Variants in MBD5 observed in about 807,000 individuals in gnomAD.
The protein encoded by MBD5 is methyl-CpG-binding domain protein 5.
In MBD5, 13 loss-of-function variants were observed where a neutral mutation model predicts 117.3. The observed-to-expected ratio is 0.11, with a 90% CI of 0.07 to 0.18. The LOEUF (loss-of-function observed/expected upper bound fraction) is 0.18. Ranked by LOEUF, MBD5 falls within the 10% of genes least tolerant of loss-of-function variation. The probability of loss-of-function intolerance (pLI) is 1.00; values close to 1 mark genes in which losing one functional copy is unlikely to be tolerated. For missense variants in MBD5, 1,879 were observed against 2,093.8 expected (o/e 0.90, Z 2.00); for synonymous variants, 727 against 766.4 (o/e 0.95, Z 0.85).
At chr2:148,151,639 G>A (rs1040877796) in intron 1 of MBD5, among the ~76,000 whole-genome samples, 1 of 152,156 alleles carries the variant, frequency 6.6e-6, no homozygotes, top group Non-Finnish European at 1.5e-5. Context: ...GGTCTATTCA[G>A]AGATTCAACT....
chr2:148,208,061 C>G (rs927971750), intron 2 of MBD5, among the ~76,000 whole-genome samples: 1 of 152,116 alleles, frequency 6.6e-6, no homozygotes, highest in African/African-American at 2.4e-5. Flanking sequence ...GAGCCATTCT[C>G]CTTCTAAAGA....
At chr2:148,171,722 A>G (rs1354735277) in intron 1 of MBD5, among the ~76,000 whole-genome samples, 3 of 152,228 alleles carry the variant, frequency 2.0e-5, no homozygotes, top group Non-Finnish European at 1.5e-5. Context: ...AAAAAACCCT[A>G]CAGATTCTAC....
Position 148,510,059 on chromosome 2 carries a change from G to C in MBD5, c.5037-1G>C. 1 of 1,606,046 alleles carries C rather than the reference G, an allele frequency of 6.2e-7. No homozygotes were observed. Among genetic ancestry groups the C allele is most frequent in the Non-Finnish European group, 8.5e-7 (1 of 1,173,112 alleles). Reference sequence around the variant, plus strand: ...TGGTGTGTTGTTTTCATTAATTCCAGAAGTGGAAAGCTAAATAACCATTTA... The same window carrying C: ...TGGTGTGTTGTTTTCATTAATTCCACAAGTGGAAAGCTAAATAACCATTTA... On this transcript the variant is annotated splice_acceptor_variant, in intron 12 of 13. Transcript: ENST00000642680. LOFTEE classifies it high-confidence loss of function.
At chr2:148,107,530 C>T (rs1019636087) in intron 1 of MBD5, among the ~76,000 whole-genome samples, 14 of 151,878 alleles carry the variant, frequency 9.2e-5, no homozygotes, top group Non-Finnish European at 1.9e-4. Flanking sequence ...CATGCCTCTT[C>T]CTCTCGAGAC....
chr2:148,181,254 C>G (rs1182048420), intron 2 of MBD5, among the ~76,000 whole-genome samples: 1 of 152,090 alleles, frequency 6.6e-6, no homozygotes, highest in Non-Finnish European at 1.5e-5. Flanking sequence ...TATATGGCAG[C>G]CATATTTTCA....
At chr2:148,486,674 G>A (rs904499598) in intron 10 of MBD5, among the ~76,000 whole-genome samples, 1 of 152,044 alleles carries the variant, frequency 6.6e-6, no homozygotes, top group African/African-American at 2.4e-5. Flanking sequence ...AAAAAAATTA[G>A]CAATAGATAT....
chr2:148,074,495 G>GTTTTTTTTTTTT (rs1034437368), intron 1 of MBD5, among the ~76,000 whole-genome samples: 9 of 109,840 alleles, frequency 8.2e-5, no homozygotes, highest in East Asian at 5.6e-4. Flanking sequence ...TTTTTTTTTT[G>GTTTTTTTTTTTT]TTTTTTTTTT....
chr2:148,180,354 A>ATATATATATATATATG (rs1698500353), intron 2 of MBD5, among the ~76,000 whole-genome samples: 1 of 116,538 alleles, frequency 8.6e-6, no homozygotes, highest in South Asian at 3.1e-4. Flanking sequence ...ATATATATAT[A>ATATATATATATATATG]TATATATGTA....
chr2:148,226,284 C>A (rs1476966104), intron 2 of MBD5, among the ~76,000 whole-genome samples: 1 of 151,912 alleles, frequency 6.6e-6, no homozygotes, highest in African/African-American at 2.4e-5. Context: ...CACAACAGTC[C>A]CCGGTGTGTG....
At chr2:148,352,389 C>T (rs1008162922) in intron 4 of MBD5, among the ~76,000 whole-genome samples, 1 of 151,866 alleles carries the variant, frequency 6.6e-6, no homozygotes, top group Non-Finnish European at 1.5e-5. Flanking sequence ...CCAATTTCCC[C>T]CAATGGTAGT....
chr2:148,055,501 T>G (rs1375838300), intron 1 of MBD5: 1 of 151,582 alleles, frequency 6.6e-6, no homozygotes, highest in Non-Finnish European at 1.5e-5. Context: ...AGTGGTGCCA[T>G]CGCTCCCTGC....
chr2:148,371,133 G>A (rs1385094105), intron 4 of MBD5, among the ~76,000 whole-genome samples: 1 of 152,022 alleles, frequency 6.6e-6, no homozygotes, highest in Non-Finnish European at 1.5e-5. Context: ...ATTTTCTGCT[G>A]TTCCTTAGTT....
chr2:148,332,597 C>G (rs80319776), intron 3 of MBD5, among the ~76,000 whole-genome samples: 1,640 of 152,226 alleles, frequency 0.011, 15 homozygotes, highest in Non-Finnish European at 0.016. Flanking sequence ...AATTCATTTT[C>G]TTTCTGAATT....
chr2:148,228,019 A>G (rs1699879301), intron 2 of MBD5, among the ~76,000 whole-genome samples: 1 of 152,166 alleles, frequency 6.6e-6, no homozygotes, highest in Non-Finnish European at 1.5e-5. Context: ...GGCTGAGACA[A>G]TGTGGTTTTC....
intron 4 of MBD5, among the ~76,000 whole-genome samples, chr2:148,381,021 A>T (rs1704126106): frequency 6.6e-6 from 1 of 152,196 alleles, no homozygotes; most frequent in South Asian, 2.1e-4. Context: ...AGATGGGGAA[A>T]AAACAGAGCA....
chr2:148,511,494 G>T (rs1682212829), intron 13 of MBD5, among the ~76,000 whole-genome samples: 1 of 152,224 alleles, frequency 6.6e-6, no homozygotes, highest in African/African-American at 2.4e-5. Context: ...TGCTCCAGCA[G>T]ATCTTAGACA....
intron 4 of MBD5, among the ~76,000 whole-genome samples, chr2:148,411,512 CTTTTTTTTTT>C (rs1188326755): frequency 1.0e-5 from 1 of 97,450 alleles, no homozygotes; most frequent in Non-Finnish European, 1.9e-5. Context: ...AGCATCTGTT[CTTTTTTTTTT>C]TTTTTTTTTT....
At chr2:148,457,721 C>A (rs1706927841) in intron 4 of MBD5, among the ~76,000 whole-genome samples, 1 of 152,048 alleles carries the variant, frequency 6.6e-6, no homozygotes, top group Non-Finnish European at 1.5e-5. Flanking sequence ...TTCCTTCTAA[C>A]TTTTTATTTT....
intron 11 of MBD5, among the ~76,000 whole-genome samples, chr2:148,497,111 A>G (rs1228400677): frequency 1.3e-5 from 2 of 151,928 alleles, no homozygotes; most frequent in African/African-American, 4.8e-5. Context: ...TGAACCTAAT[A>G]AATGCCTCAT....
Sources: allele counts gnomAD v4.1 joint callset (sites outside exome capture counted in the v4.1 genomes callset), GRCh38; gene constraint gnomAD v4.1.1; transcripts MANE v1.5; gene names NCBI Gene and HGNC (gene_info 2026-07-23, HGNC 2026-07-21).